The following CSMD2 variants were observed in gnomAD, a reference collection of about 807,000 sequenced individuals.
The protein encoded by CSMD2 is CUB and Sushi multiple domains 2, also known as CUB and sushi domain-containing protein 2.
A neutral mutation model predicts 398.5 loss-of-function variants in CSMD2; 130 were observed. The ratio of observed to expected loss-of-function variants is 0.33; its 90% confidence interval spans 0.28 to 0.38. The LOEUF is 0.38. Among genes scored for constraint, CSMD2 ranks in the 10% least tolerant of loss-of-function variants. The pLI is 1.00. For missense variants in CSMD2, 3,829 were observed against 4,764.9 expected, an observed-to-expected ratio of 0.80 and a Z score of 5.78; for synonymous variants, 1,828 against 1,908.5, an observed-to-expected ratio of 0.96 and a Z score of 1.10.
chr1:33,598,231 G>A (rs1639968712), intron 44 of CSMD2, among the ~76,000 whole-genome samples: 2 of 152,148 alleles, frequency 1.3e-5, no homozygotes, highest in African/African-American at 4.8e-5. Context: ...GCACATACAT[G>A]TTACATACAT....
intron 10 of CSMD2, chr1:33,805,040 C>G (rs948076105): frequency 1.6e-6 from 1 of 616,730 alleles, no homozygotes; most frequent in Non-Finnish European, 2.9e-6. Flanking sequence ...TTTAGAAACT[C>G]AGGCTGGTGG....
At chr1:33,541,397 C>T in intron 58 of CSMD2, 88 bp from the exon 59 acceptor site, 1 of 976,024 alleles carries the variant, frequency 1.0e-6, no homozygotes, top group Non-Finnish European at 1.6e-6. Flanking sequence ...CTGCATGCAT[C>T]CAAGAAGGGA....
Position 33,635,126 on chromosome 1 carries a change from T to C in CSMD2, c.5086+88A>G. On this transcript the variant is annotated intron_variant, in intron 31 of 70. Transcript: ENST00000373381. The surrounding 1 kb of genome is among the most constrained non-coding windows in gnomAD (Gnocchi z 5.0). ...GCGATTCCCACAATGGGGCTGTATA[T>C]AATTGGGAGGCGTCTGAGGAATTGC... 8.8e-6 allele frequency: 7 copies of C among 792,450 alleles called. No individual in the cohort carries two copies. The South Asian group carries it at 1.1e-4, about 12-fold the overall frequency. The allele number at this position is 792,450 out of a possible 1,614,324, so 49.1% of individuals were successfully genotyped here.
chr1:33,790,862 C>A (rs1351665075), intron 11 of CSMD2, among the ~76,000 whole-genome samples: 1 of 150,172 alleles, frequency 6.7e-6, no homozygotes, highest in East Asian at 2.0e-4. Context: ...CTATCTATCT[C>A]TATCTCCTAT....
intron 2 of CSMD2, among the ~76,000 whole-genome samples, chr1:34,038,236 G>C (rs1651398886): frequency 6.6e-6 from 1 of 152,182 alleles, no homozygotes. Context: ...TATCTGACAA[G>C]ATTAAATACC....
In CSMD2 at chr1:33,831,379, T is replaced by A. The variant is rs536121234; in HGVS notation, c.1034-5605A>T. On this transcript the variant is annotated intron_variant, in intron 6 of 70. Transcript: ENST00000373381. Reference sequence around the variant, plus strand: ...ATTCAACATTCTTAAAGAAAAGAATTTTCAACCCAGAATTTCATATCCAGC... The same window carrying A: ...ATTCAACATTCTTAAAGAAAAGAATATTCAACCCAGAATTTCATATCCAGC... 3.3e-5 allele frequency among the ~76,000 whole-genome samples: 5 copies of A among 152,218 alleles called. No individual in the cohort carries two copies. In the South Asian group the frequency reaches 1.0e-3, roughly 32 times the overall value.
At chr1:33,701,028 T>C (rs1040942934) in intron 22 of CSMD2, among the ~76,000 whole-genome samples, 1 of 152,236 alleles carries the variant, frequency 6.6e-6, no homozygotes, top group Non-Finnish European at 1.5e-5. Flanking sequence ...GGTTGCCTGC[T>C]TGTCAAACCA....
chr1:34,056,037 A>G (rs565049641), intron 2 of CSMD2, among the ~76,000 whole-genome samples: 20 of 152,332 alleles, frequency 1.3e-4, no homozygotes, highest in Admixed American at 9.2e-4. Flanking sequence ...GACCAAATGT[A>G]TATTTCACAA....
Position 33,700,606 on chromosome 1 carries a change from A to G in CSMD2, c.3644T>C (p.Val1215Ala), listed in dbSNP as rs1456234852. 1.9e-6 allele frequency: 3 copies of G among 1,614,102 alleles called. No homozygotes were observed. Among genetic ancestry groups the G allele is most frequent in the African/African-American group, 2.7e-5 (2 of 75,010 alleles). ...GVFSHSEMMG[V>A]TLNSTSSSLW... ...ACTGCTGGATGTGCTGTTCAAAGTC[A>G]CCCCCATCATCTCAGAATGGCTAAA... The change falls in exon 23 of 71, where the codon GTG becomes GCG. Residue 1215 changes from valine to alanine, a missense_variant. By Grantham distance (64) the Val-to-Ala change is moderately conservative. Coordinates refer to ENST00000373381, the MANE Select transcript of CSMD2 (RefSeq NM_001281956.2).
At chr1:34,041,894 G>C (rs1182579219) in intron 2 of CSMD2, among the ~76,000 whole-genome samples, 1 of 152,214 alleles carries the variant, frequency 6.6e-6, no homozygotes, top group African/African-American at 2.4e-5. Flanking sequence ...AAAGGTATGA[G>C]CGTGCCACCT....
intron 1 of CSMD2, among the ~76,000 whole-genome samples, chr1:34,133,690 A>G (rs1244767628): frequency 6.6e-6 from 1 of 152,054 alleles, no homozygotes; most frequent in African/African-American, 2.4e-5. Context: ...TATGTTTCAC[A>G]CTTTCCCATC....
At chr1:33,663,938 C>G (rs191341331) in intron 25 of CSMD2, among the ~76,000 whole-genome samples, 1 of 152,276 alleles carries the variant, frequency 6.6e-6, no homozygotes, top group South Asian at 2.1e-4. Flanking sequence ...TACATTTCCA[C>G]GGTGCATTTG....
At chr1:34,057,769 A>G (rs1654014954) in intron 2 of CSMD2, among the ~76,000 whole-genome samples, 1 of 152,146 alleles carries the variant, frequency 6.6e-6, no homozygotes, top group Non-Finnish European at 1.5e-5. Flanking sequence ...TTTTCCTGCA[A>G]GGACTGCAGA....
chr1:34,139,922 A>C (rs1227730982), intron 1 of CSMD2, among the ~76,000 whole-genome samples: 2 of 152,170 alleles, frequency 1.3e-5, no homozygotes, highest in African/African-American at 4.8e-5. Context: ...GGAACAGGCA[A>C]AGGCAATGTT....
At chr1:33,648,226 G>A (rs1643564190) in intron 28 of CSMD2, among the ~76,000 whole-genome samples, 2 of 152,148 alleles carry the variant, frequency 1.3e-5, no homozygotes, top group Admixed American at 6.6e-5. Context: ...GCCAGGCGTG[G>A]TGGTGGGCAC....
intron 44 of CSMD2, among the ~76,000 whole-genome samples, chr1:33,595,110 C>T (rs895493700): frequency 4.6e-5 from 7 of 152,300 alleles, no homozygotes; most frequent in Middle Eastern, 3.4e-3. Context: ...CCTGTTTTTC[C>T]GATAAATTCC....
At position 33,835,492 on chromosome 1, in the gene CSMD2, G is replaced by C. The variant is rs1450900621; in HGVS notation, c.1034-9718C>G. 3.1e-4 allele frequency among the ~76,000 whole-genome samples: 18 copies of C among 57,684 alleles called. 3 individuals carry two copies. The highest frequency in any genetic ancestry group is 8.7e-4 in the Admixed American group (4 of 4,578). The allele number at this position is 57,684 out of a possible 152,430, so 37.8% of individuals were successfully genotyped here. ...ACAGGAAGGGGAACATCACACTCTG[G>C]GGACTGTTGTGGGGTGGGGGTAGGG... On this transcript the variant is annotated intron_variant, in intron 6 of 70. Transcript: ENST00000373381.
At chr1:34,093,982 GA>G (rs1246500914) in intron 1 of CSMD2, among the ~76,000 whole-genome samples, 1 of 151,818 alleles carries the variant, frequency 6.6e-6, no homozygotes, top group African/African-American at 2.4e-5. Flanking sequence ...TGAAATGAAG[GA>G]AAAAATGTTA....
intron 5 of CSMD2, chr1:33,864,278 G>A (rs1639785851): frequency 2.5e-6 from 4 of 1,613,168 alleles, no homozygotes; most frequent in Non-Finnish European, 2.5e-6. Context: ...AATTCAAGGA[G>A]CAGCAGCCAA....
Sources: gnomAD v4.1 joint callset for allele counts (sites outside exome capture counted in the v4.1 genomes callset) on GRCh38, gnomAD v4.1.1 for gene constraint, Gnocchi (gnomAD v3.1) non-coding constraint, MANE v1.5 for transcripts, NCBI Gene and HGNC (gene_info 2026-07-23, HGNC 2026-07-21) for gene names.